The following AP1G1 variants were observed in gnomAD, a reference collection of about 807,000 sequenced individuals.
The protein encoded by AP1G1 is AP-1 complex subunit gamma-1.
A neutral mutation model predicts 108.3 loss-of-function variants in AP1G1; 7 were observed. The ratio of observed to expected loss-of-function variants is 0.06; its 90% CI spans 0.04 to 0.12. AP1G1 has a LOEUF of 0.12. Ranked by LOEUF, AP1G1 falls within the 10% of genes least tolerant of loss-of-function variation. The probability of loss-of-function intolerance (pLI) is 1.00; values close to 1 mark genes in which losing one functional copy is unlikely to be tolerated. For synonymous variants in AP1G1, 379 were observed against 353.5 expected, an observed-to-expected ratio of 1.07 and a Z score of -0.81; for missense variants, 756 against 1,010.7, an observed-to-expected ratio of 0.75 and a Z score of 3.42.
intron 2 of AP1G1, among the ~76,000 whole-genome samples, chr16:71,783,523 CTG>C (rs759859736): frequency 2.0e-5 from 3 of 152,006 alleles, no homozygotes; most frequent in South Asian, 2.1e-4. Context: ...CTTAAAAATC[CTG>C]TGTTTTAAAG....
chr16:71,765,704 T>C (rs1597059995), intron 6 of AP1G1, 120 bp from the exon 7 acceptor site: 2 of 714,240 alleles, frequency 2.8e-6, no homozygotes, highest in East Asian at 5.5e-5. Context: ...TTCTACTGAT[T>C]TAATATACTA....
chr16:71,793,906 T>G (rs1214397850), intron 1 of AP1G1, among the ~76,000 whole-genome samples: 1 of 152,068 alleles, frequency 6.6e-6, no homozygotes, highest in Admixed American at 6.6e-5. Flanking sequence ...TTTTTAGAGA[T>G]GAGGTTTCAT....
chr16:71,808,181 G>A (rs1233517668), intron 1 of AP1G1: 3 of 1,094,894 alleles, frequency 2.7e-6, no homozygotes, highest in East Asian at 7.6e-5. Flanking sequence ...ATACTCGCAG[G>A]TAGGTTGAAA....
chr16:71,804,701 C>G (rs764013324), intron 1 of AP1G1, among the ~76,000 whole-genome samples: 2 of 152,182 alleles, frequency 1.3e-5, no homozygotes. Context: ...AACCACTGCA[C>G]CAGCCTGCTC....
At chr16:71,794,227 T>C (rs1173564236) in intron 1 of AP1G1, among the ~76,000 whole-genome samples, 1 of 152,244 alleles carries the variant, frequency 6.6e-6, no homozygotes, top group Non-Finnish European at 1.5e-5. Context: ...TATGTTAAAG[T>C]CTACCACTAT....
intron 5 of AP1G1, among the ~76,000 whole-genome samples, chr16:71,770,689 G>T (rs2031535233): frequency 6.6e-6 from 1 of 152,154 alleles, no homozygotes; most frequent in South Asian, 2.1e-4. Context: ...TGTTGCCCAG[G>T]CTGGTCCTGA....
intron 13 of AP1G1, 95 bp downstream of exon 13, chr16:71,753,738 G>T: frequency 9.1e-7 from 1 of 1,094,670 alleles, no homozygotes; most frequent in Non-Finnish European, 1.4e-6. Flanking sequence ...CTATTTACTT[G>T]TGAATTTCTT....
At chr16:71,733,842 T>A (rs899213837) in intron 22 of AP1G1, among the ~76,000 whole-genome samples, 1 of 152,184 alleles carries the variant, frequency 6.6e-6, no homozygotes, top group Non-Finnish European at 1.5e-5. Context: ...AAGCATAAAA[T>A]TTTAAAAAAT....
At position 71,731,728 on chromosome 16, in the gene AP1G1, A is replaced by AAT. The variant is rs1209823091; in HGVS notation, c.*1329_*1330insAT. The AAT allele has an allele frequency of 6.6e-6, 1 of 152,608 alleles. No homozygotes were observed. The highest frequency in any genetic ancestry group is 1.5e-5 in the Non-Finnish European group (1 of 68,020). The allele number at this position is 152,608 out of a possible 1,614,324, so 9.5% of individuals were successfully genotyped here. ...TAAAAAGCTCAAGTCTTTGATGTGA[A>AAT]TATTCATGAGATTCGTCTTTTAAAA... On this transcript the variant is annotated 3_prime_UTR_variant, in exon 23 of 23. Coordinates refer to ENST00000299980, the MANE Select transcript of AP1G1 (RefSeq NM_001128.6).
intron 6 of AP1G1, among the ~76,000 whole-genome samples, chr16:71,768,917 CAA>C (rs58725744): frequency 0.34 from 14,279 of 41,608 alleles, 1,426 homozygotes; most frequent in East Asian, 0.66. Flanking sequence ...GACTCTGTCT[CAA>C]AAAAAAAAAA....
intron 7 of AP1G1, 53 bp downstream of exon 7, chr16:71,765,432 CTACT>C (rs1169930639): frequency 2.3e-5 from 29 of 1,260,184 alleles, no homozygotes; most frequent in Non-Finnish European, 3.1e-5. Context: ...AGGAAATTGT[CTACT>C]TAAAGATATT....
chr16:71,747,335 T>C (rs2030235612), intron 16 of AP1G1: 1 of 152,140 alleles, frequency 6.6e-6, no homozygotes, highest in Non-Finnish European at 1.5e-5. Context: ...TGTCAAAATA[T>C]AATAAACCAA....
At chr16:71,806,681 C>T in intron 1 of AP1G1, 1 of 1,285,446 alleles carries the variant, frequency 7.8e-7, no homozygotes, top group Non-Finnish European at 1.0e-6. Flanking sequence ...CGAGGGCATA[C>T]TTACTAAATG....
In AP1G1 at chr16:71,750,199, GA is replaced by G; in HGVS notation, c.1407+10del. ...AAATTACCCCCTAAAATAGTTGAAT[GA>G]AGTACTTACTTGAGAATAATCACCA... On this transcript the variant is annotated intron_variant, in intron 14 of 22. Coordinates refer to ENST00000299980, the MANE Select transcript of AP1G1 (RefSeq NM_001128.6). 1.2e-6 allele frequency: 2 copies of G among 1,611,524 alleles called. No individual in the cohort carries two copies.
At position 71,794,835 on chromosome 16, in the gene AP1G1, C is replaced by CTTTTTTTTTTTTTTTTTT. The variant is rs55761928; in HGVS notation, c.-3-5371_-3-5354dup. Among the ~76,000 whole-genome samples the CTTTTTTTTTTTTTTTTTT allele has an allele frequency of 2.8e-3, 110 of 39,658 alleles. 14 individuals carry two copies. The highest frequency in any genetic ancestry group is 3.5e-3 in the African/African-American group (33 of 9,544). The allele number at this position is 39,658 out of a possible 152,430, so 26.0% of individuals were successfully genotyped here. A position where few individuals can be genotyped will look rare whatever the true frequency, so the allele number is the denominator to read the frequency against. ...TACCATTCTCAGGCCATGAGAAGTGCTTTTTTTTTTTTTTTTTTTTTTTTT... is the reference window on the plus strand; with the variant it reads ...TACCATTCTCAGGCCATGAGAAGTGCTTTTTTTTTTTTTTTTTTTTTTTTTTTTTTTTTTTTTTTTTTT... On this transcript the variant is annotated intron_variant, in intron 1 of 22. Transcript: ENST00000299980.
At chr16:71,735,787 G>C (rs1441371372) in intron 21 of AP1G1, among the ~76,000 whole-genome samples, 2 of 151,948 alleles carry the variant, frequency 1.3e-5, no homozygotes, top group Admixed American at 6.6e-5. Context: ...GAGAGAGAGA[G>C]ACACTAGTCT....
Position 71,764,667 on chromosome 16 carries a change from A to G in AP1G1, c.798T>C (p.Ala266=). 1 of 1,610,072 alleles carries G rather than the reference A, an allele frequency of 6.2e-7. No individual in the cohort carries two copies. The highest frequency in any genetic ancestry group is 8.5e-7 in the Non-Finnish European group (1 of 1,178,734). The part of the protein sequence containing the change: ...LGRNDDDSSE[A]MNDILAQVAT... ...TCACCTGTGCTAATATATCATTCAT[A>G]GCTTCACTTGAATCATCATCATTTC... Residue 266 remains alanine, a synonymous_variant, in exon 8 of 23, where the codon GCT becomes GCC. Transcript: ENST00000299980.
chr16:71,760,302 G>A lies in AP1G1; in HGVS notation c.974+1210C>T, dbSNP rs188565266. ...TCACGCCTGTAATCCCAGCACTTCA[G>A]GAGGACAAGGTGGGCTGATTACCTA... is the stretch of plus-strand genomic sequence containing the variant. On this transcript the variant is annotated intron_variant, in intron 10 of 22. Coordinates refer to ENST00000299980, the MANE Select transcript of AP1G1 (RefSeq NM_001128.6). Among the ~76,000 whole-genome samples, 131 of 151,356 alleles carry A rather than the reference G, an allele frequency of 8.7e-4. 1 individual carries two copies. The highest frequency in any genetic ancestry group is 2.9e-3 in the African/African-American group (118 of 41,212).
At chr16:71,804,274 C>T (rs571074789) in intron 1 of AP1G1, among the ~76,000 whole-genome samples, 1 of 152,142 alleles carries the variant, frequency 6.6e-6, no homozygotes, top group South Asian at 2.1e-4. Flanking sequence ...TCTCGATCTC[C>T]TGACCTCGTG....
Sources: gnomAD v4.1 joint callset for allele counts (sites outside exome capture counted in the v4.1 genomes callset) on GRCh38, gnomAD v4.1.1 for gene constraint, MANE v1.5 for transcripts, NCBI Gene and HGNC (gene_info 2026-07-23, HGNC 2026-07-21) for gene names.